ARHGAP26: variants seen among roughly 807,000 people sequenced by gnomAD.
ARHGAP26 encodes the protein Rho GTPase activating protein 26, also known as rho GTPase-activating protein 26.
Under a neutral mutation model 104.8 loss-of-function variants are expected in ARHGAP26, and 38 were observed. That is an observed-to-expected ratio of 0.36 (90% CI 0.28 to 0.48). The LOEUF is 0.48. Among genes scored for constraint, ARHGAP26 ranks in the 20% least tolerant of loss-of-function variants. The pLI is 0.99. For missense variants in ARHGAP26, 704 were observed against 947.9 expected (o/e 0.74, Z 3.38); for synonymous variants, 341 against 340.0 (o/e 1.00, Z -0.03).
chr5:142,826,462 C>T (rs544403171), intron 1 of ARHGAP26, among the ~76,000 whole-genome samples: 15 of 152,324 alleles, frequency 9.8e-5, no homozygotes, highest in African/African-American at 3.4e-4. Context: ...ATAAGTTGCC[C>T]GGTTCATTCA....
At chr5:143,139,987 T>G (rs1188865509) in intron 19 of ARHGAP26, among the ~76,000 whole-genome samples, 1 of 152,218 alleles carries the variant, frequency 6.6e-6, no homozygotes, top group Non-Finnish European at 1.5e-5. Context: ...CTGTCCCAAA[T>G]TTTTAGCATT....
chr5:142,881,860 TTCC>T (rs142180371), intron 4 of ARHGAP26, among the ~76,000 whole-genome samples: 2,292 of 152,260 alleles, frequency 0.015, 18 homozygotes, highest in Non-Finnish European at 0.021. Flanking sequence ...AAATTACTTT[TTCC>T]TCCTCCTCCA....
intron 13 of ARHGAP26, among the ~76,000 whole-genome samples, chr5:143,039,046 G>A (rs11960157): frequency 0.15 from 22,841 of 151,896 alleles, 4,667 homozygotes; most frequent in African/African-American, 0.47. Flanking sequence ...GTATGAGCCC[G>A]TTCTGGGAGC....
chr5:142,975,504 T>C (rs556504767), intron 11 of ARHGAP26, among the ~76,000 whole-genome samples: 1 of 151,242 alleles, frequency 6.6e-6, no homozygotes, highest in African/African-American at 2.5e-5. Context: ...GACCTGAATG[T>C]GGTTATTGTT....
chr5:143,114,352 C>T (rs1319938195), intron 17 of ARHGAP26, among the ~76,000 whole-genome samples: 2 of 152,118 alleles, frequency 1.3e-5, no homozygotes, highest in Non-Finnish European at 2.9e-5. Flanking sequence ...CCTGCCTCAC[C>T]GAGTCCAGGT....
chr5:142,846,654 CA>C (rs1270935581), intron 1 of ARHGAP26, among the ~76,000 whole-genome samples: 1 of 152,170 alleles, frequency 6.6e-6, no homozygotes, highest in Non-Finnish European at 1.5e-5. Context: ...GACTGCATCT[CA>C]TAGACATTTG....
intron 1 of ARHGAP26, among the ~76,000 whole-genome samples, chr5:142,825,256 T>A (rs749474080): frequency 6.6e-5 from 10 of 152,246 alleles, no homozygotes; most frequent in Non-Finnish European, 1.2e-4. Flanking sequence ...TAACAGTAAC[T>A]TGTTATTGCT....
At chr5:142,779,130 A>G (rs1448385166) in intron 1 of ARHGAP26, among the ~76,000 whole-genome samples, 1 of 152,194 alleles carries the variant, frequency 6.6e-6, no homozygotes, top group Non-Finnish European at 1.5e-5. Context: ...CTCCAGGCTC[A>G]GGGACTAGGA....
At chr5:143,064,399 C>CTTT (rs764782489) in intron 17 of ARHGAP26, among the ~76,000 whole-genome samples, 2 of 138,430 alleles carry the variant, frequency 1.4e-5, no homozygotes, top group African/African-American at 2.6e-5. Context: ...TTGACTGGCT[C>CTTT]TTTTTTTTTT....
intron 1 of ARHGAP26, among the ~76,000 whole-genome samples, chr5:142,868,533 G>A (rs555082211): frequency 1.3e-5 from 2 of 152,206 alleles, no homozygotes; most frequent in Non-Finnish European, 2.9e-5. Flanking sequence ...GTTGCTGATA[G>A]TGATGGGAAG....
intron 17 of ARHGAP26, among the ~76,000 whole-genome samples, chr5:143,066,059 A>G (rs2150349730): frequency 6.6e-6 from 1 of 152,326 alleles, no homozygotes; most frequent in South Asian, 2.1e-4. Context: ...CAACGTGTCT[A>G]TCAACGATGA....
intron 20 of ARHGAP26, among the ~76,000 whole-genome samples, chr5:143,160,689 C>T (rs987401187): frequency 1.3e-5 from 2 of 151,974 alleles, no homozygotes; most frequent in African/African-American, 2.4e-5. Flanking sequence ...CTTGCTATGT[C>T]GCCCAGGCTA....
intron 1 of ARHGAP26, among the ~76,000 whole-genome samples, chr5:142,798,624 A>T (rs1182423501): frequency 6.6e-6 from 1 of 152,192 alleles, no homozygotes; most frequent in African/African-American, 2.4e-5. Context: ...AAGGGTGGTG[A>T]TGGTGCAAGT....
intron 8 of ARHGAP26, among the ~76,000 whole-genome samples, chr5:142,906,602 A>G (rs1347779383): frequency 6.6e-6 from 1 of 152,152 alleles, no homozygotes; most frequent in Non-Finnish European, 1.5e-5. Context: ...GGAGGCTATA[A>G]TTTATAACTG....
intron 20 of ARHGAP26, among the ~76,000 whole-genome samples, chr5:143,200,670 TTTC>T (rs1807568722): frequency 6.6e-6 from 1 of 152,222 alleles, no homozygotes; most frequent in African/African-American, 2.4e-5. Context: ...TATGGTTGTA[TTTC>T]TTTTCTTCTT....
chr5:143,094,546 A>G (rs1349928968), intron 17 of ARHGAP26, among the ~76,000 whole-genome samples: 3 of 152,250 alleles, frequency 2.0e-5, no homozygotes, highest in Non-Finnish European at 4.4e-5. Context: ...AAGGAATAGC[A>G]CTTGAATATA....
chr5:143,042,665 C>T (rs1054330824), intron 14 of ARHGAP26, among the ~76,000 whole-genome samples: 2 of 152,222 alleles, frequency 1.3e-5, no homozygotes, highest in Non-Finnish European at 2.9e-5. Context: ...GAGGGACTAT[C>T]ACTTGGGGTA....
At chr5:142,953,537 A>G (rs1037620616) in intron 11 of ARHGAP26, among the ~76,000 whole-genome samples, 10 of 152,168 alleles carry the variant, frequency 6.6e-5, no homozygotes, top group African/African-American at 2.4e-4. Context: ...GTCTAGTTCA[A>G]GCACCTGCTT....
intron 1 of ARHGAP26, among the ~76,000 whole-genome samples, chr5:142,828,708 G>A (rs1256904737): frequency 6.6e-6 from 1 of 152,176 alleles, no homozygotes; most frequent in African/African-American, 2.4e-5. Context: ...GGGTAGTCTG[G>A]TTTGGCAAGG....
Sources: gnomAD v4.1 joint callset for allele counts (sites outside exome capture counted in the v4.1 genomes callset) on GRCh38, gnomAD v4.1.1 for gene constraint, MANE v1.5 for transcripts, NCBI Gene and HGNC (gene_info 2026-07-23, HGNC 2026-07-21) for gene names.